Variants in ZRANB3 observed in about 807,000 individuals in gnomAD.
The protein encoded by ZRANB3 is zinc finger RANBP2-type containing 3.
ZRANB3 carries 125 observed loss-of-function variants against 133.8 expected under a neutral mutation model. The ratio of observed to expected loss-of-function variants is 0.93; its 90% CI spans 0.81 to 1.08. The LOEUF is 1.08. Among genes scored for constraint, ZRANB3 ranks in the 50% least tolerant of loss-of-function variants. The pLI is 0.00. For synonymous variants in ZRANB3, 387 were observed against 432.7 expected (o/e 0.89, Z 1.31); for missense variants, 1,229 against 1,275.5 (o/e 0.96, Z 0.56).
intron 3 of ZRANB3, among the ~76,000 whole-genome samples, chr2:135,366,756 C>T (rs921135012): frequency 1.2e-4 from 18 of 152,052 alleles, no homozygotes; most frequent in African/African-American, 2.2e-4. Context: ...TGGTGGCTCA[C>T]GCCTGTAATC....
At chr2:135,249,489 G>T (rs1024931132) in intron 12 of ZRANB3, among the ~76,000 whole-genome samples, 2 of 152,204 alleles carry the variant, frequency 1.3e-5, no homozygotes, top group Non-Finnish European at 2.9e-5. Flanking sequence ...GCAAACTAAT[G>T]CAAGAACAGA....
chr2:135,342,669 T>A (rs1684730816), intron 6 of ZRANB3, among the ~76,000 whole-genome samples: 4 of 149,104 alleles, frequency 2.7e-5, no homozygotes, highest in African/African-American at 1.0e-4. Flanking sequence ...CATATCCTCT[T>A]ATTGTTCTTT....
intron 8 of ZRANB3, among the ~76,000 whole-genome samples, chr2:135,290,723 C>T (rs1439374601): frequency 1.5e-5 from 2 of 130,232 alleles, no homozygotes; most frequent in African/African-American, 5.6e-5. Flanking sequence ...GAGATTTATG[C>T]TTTAAGGAGG....
intron 8 of ZRANB3, among the ~76,000 whole-genome samples, chr2:135,312,685 G>A (rs998743397): frequency 3.9e-5 from 6 of 152,142 alleles, no homozygotes; most frequent in African/African-American, 1.4e-4. Context: ...ATTATTTGCA[G>A]TAATAATGTA....
chr2:135,519,785 A>G (rs997770608), intron 1 of ZRANB3, among the ~76,000 whole-genome samples: 1 of 152,194 alleles, frequency 6.6e-6, no homozygotes, highest in Non-Finnish European at 1.5e-5. Context: ...GCAGTTCTGA[A>G]GAAAGACTAC....
chr2:135,496,140 TG>T (rs1019789476), intron 2 of ZRANB3, among the ~76,000 whole-genome samples: 1 of 151,756 alleles, frequency 6.6e-6, no homozygotes, highest in Non-Finnish European at 1.5e-5. Flanking sequence ...CCCACCACTT[TG>T]GGAGGCCAAG....
rs191779692 is a variant in ZRANB3, at chr2:135,418,983, G to A, written c.162-28163C>T. On this transcript the variant is annotated intron_variant, in intron 2 of 20. Transcript: ENST00000264159. Reference sequence around the variant, plus strand: ...GACGGAGTCTCGTTCTGTCACCCAGGCTGGAGTGCAGTGGTGCGATCTCGG... The same window carrying A: ...GACGGAGTCTCGTTCTGTCACCCAGACTGGAGTGCAGTGGTGCGATCTCGG... 7.5e-3 allele frequency among the ~76,000 whole-genome samples: 970 copies of A among 130,096 alleles called. 17 individuals are homozygous for A. Among genetic ancestry groups the A allele is most frequent in the African/African-American group, 0.028 (923 of 33,194 alleles). 85.3% of individuals were successfully genotyped at this position (130,096 alleles called of 152,430 possible). A position where few individuals can be genotyped will look rare whatever the true frequency, so the allele number is the denominator to read the frequency against.
intron 8 of ZRANB3, among the ~76,000 whole-genome samples, chr2:135,294,250 T>C (rs994329252): frequency 2.1e-4 from 32 of 152,218 alleles, no homozygotes; most frequent in African/African-American, 7.7e-4. Context: ...TGGTAAGCTA[T>C]TAATTATTGC....
At chr2:135,396,463 A>G (rs1558968678) in intron 2 of ZRANB3, among the ~76,000 whole-genome samples, 2 of 152,368 alleles carry the variant, frequency 1.3e-5, no homozygotes, top group African/African-American at 2.4e-5. Context: ...CATATACACA[A>G]TGGAGTACTA....
chr2:135,293,794 G>T (rs879256257), intron 8 of ZRANB3, among the ~76,000 whole-genome samples: 31 of 150,144 alleles, frequency 2.1e-4, no homozygotes, highest in Middle Eastern at 3.4e-3. Flanking sequence ...TATTGAGAGT[G>T]TTTAGCATGA....
chr2:135,468,443 C>T (rs1283158385), intron 2 of ZRANB3, among the ~76,000 whole-genome samples: 4 of 152,102 alleles, frequency 2.6e-5, no homozygotes, highest in Non-Finnish European at 5.9e-5. Flanking sequence ...AACCAGTATA[C>T]TCTATGTATT....
chr2:135,518,002 G>A (rs139653772), intron 1 of ZRANB3, among the ~76,000 whole-genome samples: 205 of 152,256 alleles, frequency 1.3e-3, no homozygotes, highest in African/African-American at 4.5e-3. Flanking sequence ...GTGGCTTTGC[G>A]TGCTGCGGTG....
chr2:135,468,290 T>C (rs1691090334), intron 2 of ZRANB3, among the ~76,000 whole-genome samples: 1 of 152,238 alleles, frequency 6.6e-6, no homozygotes, highest in African/African-American at 2.4e-5. Flanking sequence ...ATGTTCCTTT[T>C]ACCTGAAATG....
chr2:135,247,554 AT>A (rs928847279), intron 12 of ZRANB3, among the ~76,000 whole-genome samples: 1 of 151,186 alleles, frequency 6.6e-6, no homozygotes, highest in African/African-American at 2.4e-5. Context: ...ACTTATTATT[AT>A]TTTTTTTTAG....
intron 6 of ZRANB3, among the ~76,000 whole-genome samples, chr2:135,336,186 G>T (rs1684363178): frequency 6.6e-6 from 1 of 152,234 alleles, no homozygotes; most frequent in South Asian, 2.1e-4. Flanking sequence ...GTCAAACCAG[G>T]TAGCTGGTTA....
At chr2:135,329,602 A>C (rs1684031357) in intron 6 of ZRANB3, among the ~76,000 whole-genome samples, 1 of 152,182 alleles carries the variant, frequency 6.6e-6, no homozygotes. Flanking sequence ...GAAGAAAGTC[A>C]TTGGTAGCGT....
At chr2:135,499,830 A>G (rs749990609) in intron 2 of ZRANB3, among the ~76,000 whole-genome samples, 2 of 152,178 alleles carry the variant, frequency 1.3e-5, no homozygotes, top group Non-Finnish European at 2.9e-5. Flanking sequence ...ACCCAAATTC[A>G]TATGTTGAAG....
chr2:135,445,536 T>C (rs1231362840), intron 2 of ZRANB3, among the ~76,000 whole-genome samples: 2 of 152,062 alleles, frequency 1.3e-5, no homozygotes, highest in Non-Finnish European at 2.9e-5. Flanking sequence ...ATCTATAGAA[T>C]TGCCAGAGCA....
At chr2:135,295,592 T>G (rs1270355738) in intron 8 of ZRANB3, among the ~76,000 whole-genome samples, 1 of 152,180 alleles carries the variant, frequency 6.6e-6, no homozygotes, top group African/African-American at 2.4e-5. Context: ...AGGTTAATAT[T>G]GTTATGTGTG....
Sources: allele counts gnomAD v4.1 joint callset (sites outside exome capture counted in the v4.1 genomes callset), GRCh38; gene constraint gnomAD v4.1.1; transcripts MANE v1.5; gene names NCBI Gene and HGNC (gene_info 2026-07-23, HGNC 2026-07-21).